ARID1B: variants seen among roughly 807,000 people sequenced by gnomAD.
The protein encoded by ARID1B is AT-rich interaction domain 1B.
Under a neutral mutation model 212.3 loss-of-function variants are expected in ARID1B, and 30 were observed. The ratio of observed to expected loss-of-function variants is 0.14; its 90% CI spans 0.11 to 0.19. The LOEUF (loss-of-function observed/expected upper bound fraction) is 0.19, where lower values mean the gene tolerates loss of function less well. Among genes scored for constraint, ARID1B ranks in the 10% least tolerant of loss-of-function variants. ARID1B has a pLI of 1.00. For synonymous variants in ARID1B, 1,402 were observed against 1,301.7 expected (o/e 1.08, Z -1.66); for missense variants, 2,891 against 3,204.0 (o/e 0.90, Z 2.36).
At chr6:156,841,907 T>C (rs527751271) in intron 2 of ARID1B, among the ~76,000 whole-genome samples, 2 of 152,358 alleles carry the variant, frequency 1.3e-5, no homozygotes, top group South Asian at 4.1e-4. Flanking sequence ...GGGCGCACGC[T>C]AGCACTGTTT....
intron 2 of ARID1B, among the ~76,000 whole-genome samples, chr6:156,849,771 G>A (rs965670791): frequency 1.1e-4 from 16 of 152,012 alleles, no homozygotes; most frequent in Non-Finnish European, 1.9e-4. Context: ...CTTAAGGACC[G>A]TAGTTGGTAA....
At chr6:156,989,100 C>G (rs1583089678) in intron 4 of ARID1B, among the ~76,000 whole-genome samples, 1 of 152,278 alleles carries the variant, frequency 6.6e-6, no homozygotes, top group South Asian at 2.1e-4. Context: ...ATCTCCTACT[C>G]CCATTCTTTG....
At chr6:156,930,299 G>A (rs566194758) in intron 3 of ARID1B, among the ~76,000 whole-genome samples, 1 of 152,134 alleles carries the variant, frequency 6.6e-6, no homozygotes, top group African/African-American at 2.4e-5. Context: ...GTTTAAAAGT[G>A]TGTAGCACCT....
chr6:156,796,628 A>C (rs987262631), intron 1 of ARID1B, among the ~76,000 whole-genome samples: 4 of 152,246 alleles, frequency 2.6e-5, no homozygotes, highest in African/African-American at 9.7e-5. Flanking sequence ...AGCCCTAATA[A>C]AATAACTGTC....
At chr6:157,191,666 A>G (rs992122396) in intron 15 of ARID1B, among the ~76,000 whole-genome samples, 11 of 152,214 alleles carry the variant, frequency 7.2e-5, no homozygotes, top group African/African-American at 1.4e-4. Context: ...CCCGTGGTCT[A>G]CAAGCCACAA....
chr6:157,009,421 G>C (rs1017737608), intron 4 of ARID1B, among the ~76,000 whole-genome samples: 1 of 152,126 alleles, frequency 6.6e-6, no homozygotes, highest in Admixed American at 6.6e-5. Context: ...ACAGAATAGC[G>C]GAAAAGTTGG....
chr6:157,051,408 A>C (rs983169545), intron 4 of ARID1B, among the ~76,000 whole-genome samples: 2 of 152,220 alleles, frequency 1.3e-5, no homozygotes, highest in Non-Finnish European at 2.9e-5. Flanking sequence ...GCTAACGGAA[A>C]ATGCAGTTTG....
rs546204006 is a variant in ARID1B, at chr6:157,156,664, G to A, written c.3089+7713G>A. Among the ~76,000 whole-genome samples, 125 of 152,228 alleles carry A rather than the reference G, an allele frequency of 8.2e-4. 1 individual carries two copies. Among genetic ancestry groups the A allele is most frequent in the African/African-American group, 2.8e-3 (117 of 41,518 alleles). On this transcript the variant is annotated intron_variant, in intron 8 of 19. Transcript: ENST00000636930. ...TCGTGAGCGTCACCCAGAGATTTTC[G>A]ACAGCCGCTGTACACCCTCACCCAG... is the stretch of plus-strand genomic sequence containing the variant.
Position 157,206,478 on chromosome 6 carries a change from G to A in ARID1B, c.5706G>A (p.Lys1902=), listed in dbSNP as rs2128392795. 6.2e-7 allele frequency: 1 copy of A among 1,613,954 alleles called. No homozygotes were observed. The highest frequency in any genetic ancestry group is 8.5e-7 in the Non-Finnish European group (1 of 1,180,032). ...CTGCAGACCCAAAGGAGAAGCCCAAGCAAGCCAGTAAGTTCGACAAGCTGC... is the reference window on the plus strand; with the variant it reads ...CTGCAGACCCAAAGGAGAAGCCCAAACAAGCCAGTAAGTTCGACAAGCTGC... The part of the protein sequence containing the change: ...DAAADPKEKP[K]QASKFDKLPI... Residue 1902 remains lysine (K), a synonymous_variant, in exon 20 of 20, where the codon AAG becomes AAA. Coordinates refer to ENST00000636930, the MANE Select transcript of ARID1B (RefSeq NM_001374828.1). The surrounding 1 kb of genome is among the most constrained non-coding windows in gnomAD (Gnocchi z 6.8).
intron 19 of ARID1B, chr6:157,204,281 T>C (rs181805117): frequency 4.2e-4 from 100 of 237,076 alleles, no homozygotes; most frequent in African/African-American, 2.0e-3. Flanking sequence ...ATTAAATTGT[T>C]CAGAATGAAT....
chr6:157,013,171 G>A (rs571360689), intron 4 of ARID1B, among the ~76,000 whole-genome samples: 2 of 152,362 alleles, frequency 1.3e-5, no homozygotes, highest in East Asian at 1.9e-4. Context: ...GAGCCACGGC[G>A]CCCTGCCGGC....
intron 5 of ARID1B, among the ~76,000 whole-genome samples, chr6:157,103,122 A>G (rs1786191502): frequency 2.0e-5 from 3 of 152,244 alleles, no homozygotes; most frequent in Admixed American, 2.0e-4. Context: ...ACTATCTGGC[A>G]GTTTACAGAG....
In ARID1B at chr6:157,140,783, G is replaced by T. The variant is rs1583386016; in HGVS notation, c.2761+7576G>T. The stretch of plus-strand genomic sequence containing the variant: ...TCCTTGGGGTCCGCCTCTGACGTTA[G>T]CCCTGGTCCGGGATCCGCTTCTGCC... On this transcript the variant is annotated intron_variant, in intron 7 of 19. Transcript: ENST00000636930. 8 of 396,960 alleles carry T rather than the reference G, an allele frequency of 2.0e-5. No individual in the cohort carries two copies. The East Asian group carries it at 2.9e-4, about 14-fold the overall frequency. 24.6% of individuals were successfully genotyped at this position (396,960 alleles called of 1,614,324 possible). A position where few individuals can be genotyped will look rare whatever the true frequency, so the allele number is the denominator to read the frequency against.
chr6:157,180,451 T>C lies in ARID1B; in HGVS notation c.3505-518T>C, dbSNP rs188011137. Among the ~76,000 whole-genome samples, 289 of 152,168 alleles carry C rather than the reference T, an allele frequency of 1.9e-3. 1 individual carries two copies. The highest frequency in any genetic ancestry group is 3.4e-3 in the Non-Finnish European group (233 of 68,004). ...TTCCCGTGACTGGAAATCTACCTTA[T>C]ATTTTTCAGCAAGCACCGTGTGGTT... On this transcript the variant is annotated intron_variant, in intron 11 of 19. Coordinates refer to ENST00000636930, the MANE Select transcript of ARID1B (RefSeq NM_001374828.1).
intron 4 of ARID1B, among the ~76,000 whole-genome samples, chr6:157,026,480 C>T (rs756027531): frequency 2.6e-5 from 4 of 152,136 alleles, no homozygotes; most frequent in Non-Finnish European, 4.4e-5. Context: ...ATCAAGAGCA[C>T]TTGGTCTAGA....
At chr6:156,902,023 C>G (rs1788985348) in intron 3 of ARID1B, 2 of 157,864 alleles carry the variant, frequency 1.3e-5, no homozygotes, top group South Asian at 3.7e-4. Flanking sequence ...ATATTCACTT[C>G]AGTTGCAGTA....
chr6:157,078,639 A>G (rs544704513), intron 4 of ARID1B, among the ~76,000 whole-genome samples: 1 of 152,344 alleles, frequency 6.6e-6, no homozygotes, highest in Admixed American at 6.5e-5. Flanking sequence ...TAAGTTTAGG[A>G]TGGCAACATG....
intron 6 of ARID1B, among the ~76,000 whole-genome samples, chr6:157,132,353 C>G (rs1395941351): frequency 6.6e-6 from 1 of 152,182 alleles, no homozygotes; most frequent in Non-Finnish European, 1.5e-5. Flanking sequence ...AGATAAGTCT[C>G]AAGACCCAAC....
intron 11 of ARID1B, among the ~76,000 whole-genome samples, chr6:157,179,793 T>C (rs991836830): frequency 1.3e-5 from 2 of 152,202 alleles, no homozygotes; most frequent in East Asian, 1.9e-4. Flanking sequence ...GCATCCTTTC[T>C]GAGGGACCTA....
Sources: allele counts gnomAD v4.1 joint callset (sites outside exome capture counted in the v4.1 genomes callset), GRCh38; gene constraint gnomAD v4.1.1; non-coding constraint Gnocchi (gnomAD v3.1); transcripts MANE v1.5; gene names NCBI Gene and HGNC (gene_info 2026-07-23, HGNC 2026-07-21).